The following WDFY4 variants were observed in gnomAD, a reference collection of about 807,000 sequenced individuals.
WDFY4 encodes WD repeat- and FYVE domain-containing protein 4.
In WDFY4, 169 loss-of-function variants were observed where a neutral mutation model predicts 351.9. The ratio of observed to expected loss-of-function variants is 0.48; its 90% CI spans 0.42 to 0.55. The LOEUF (loss-of-function observed/expected upper bound fraction) is 0.55, where lower values mean the gene tolerates loss of function less well. Ranked by LOEUF, WDFY4 falls within the 20% of genes least tolerant of loss-of-function variation. The probability of loss-of-function intolerance (pLI) is 0.00; values close to 1 mark genes in which losing one functional copy is unlikely to be tolerated. For synonymous variants in WDFY4, 1,622 were observed against 1,574.6 expected (o/e 1.03, Z -0.71); for missense variants, 3,803 against 3,935.6 (o/e 0.97, Z 0.90).
At chr10:48,916,631 G>A (rs1467192150) in intron 47 of WDFY4, among the ~76,000 whole-genome samples, 1 of 152,186 alleles carries the variant, frequency 6.6e-6, no homozygotes, top group Non-Finnish European at 1.5e-5. Context: ...AAAAGTCGGG[G>A]GAGAAGAGAT....
chr10:48,694,637 C>T (rs1407122786), intron 1 of WDFY4, among the ~76,000 whole-genome samples: 2 of 152,172 alleles, frequency 1.3e-5, no homozygotes, highest in Non-Finnish European at 2.9e-5. Flanking sequence ...AGACAAGCAC[C>T]ATGTCCATGT....
At chr10:48,820,100 T>G (rs1190137410) in intron 32 of WDFY4, 134 bp from the exon 33 acceptor site, 30 of 984,922 alleles carry the variant, frequency 3.0e-5, no homozygotes, top group Non-Finnish European at 4.5e-5. Flanking sequence ...GCAAGTTGCT[T>G]TCCTGTGCGG....
intron 47 of WDFY4, among the ~76,000 whole-genome samples, chr10:48,915,499 G>T (rs1242754833): frequency 6.6e-6 from 1 of 151,944 alleles, no homozygotes; most frequent in African/African-American, 2.4e-5. Flanking sequence ...TCTGTTCCCT[G>T]CAGGGATGGG....
chr10:48,779,361 A>C (rs967475730), intron 18 of WDFY4, among the ~76,000 whole-genome samples: 1 of 152,214 alleles, frequency 6.6e-6, no homozygotes, highest in Non-Finnish European at 1.5e-5. Context: ...TTTGGAGCCC[A>C]GCGTTGTTCT....
At chr10:48,729,734 T>C (rs2064391123) in intron 8 of WDFY4, 145 bp downstream of exon 8, 1 of 1,092,150 alleles carries the variant, frequency 9.2e-7, no homozygotes, top group Non-Finnish European at 1.3e-6. Flanking sequence ...AGGTTATGAA[T>C]ATCTCCCATG....
Position 48,805,266 on chromosome 10 carries a change from AC to A in WDFY4, c.4494del (p.Arg1499GlyfsTer40). 6.5e-7 allele frequency: 1 copy of A among 1,543,440 alleles called. No homozygotes were observed. On this transcript the variant is annotated frameshift_variant, in exon 26 of 62. Transcript: ENST00000325239. LOFTEE classifies it high-confidence loss of function. ...LEILQSPREG[P>X]RNAEAAHQAQ... ...TCTCTCCTGTACTCACCAGGGAAGGACCCAGGAATGCTGAAGCTGCCCACCA... is the reference window on the plus strand; with the variant it reads ...TCTCTCCTGTACTCACCAGGGAAGGACCAGGAATGCTGAAGCTGCCCACCA...
chr10:48,901,794 C>G lies in WDFY4; in HGVS notation c.7524-7C>G, dbSNP rs1237351755. On this transcript the variant is annotated splice_region_variant and splice_polypyrimidine_tract_variant and intron_variant, in intron 46 of 61. Coordinates refer to ENST00000325239, the MANE Select transcript of WDFY4 (RefSeq NM_001394531.1). ...CTGATGGAATTATCCCTTCCCTTTT[C>G]ATGTAGCTTCTGCTCTTTCCAACCC... is the stretch of plus-strand genomic sequence containing the variant. 12 of 1,551,394 alleles carry G rather than the reference C, an allele frequency of 7.7e-6. No homozygotes were observed. Among genetic ancestry groups the G allele is most frequent in the Non-Finnish European group, 9.6e-6 (11 of 1,146,854 alleles).
intron 10 of WDFY4, 50 bp downstream of exon 10, chr10:48,734,085 T>C (rs1166970532): frequency 6.8e-7 from 1 of 1,469,918 alleles, no homozygotes. Context: ...AAACATGAAC[T>C]CTTTCCTGGT....
intron 47 of WDFY4, among the ~76,000 whole-genome samples, chr10:48,937,184 G>A (rs1840434755): frequency 1.3e-5 from 2 of 152,150 alleles, no homozygotes; most frequent in South Asian, 4.1e-4. Flanking sequence ...GTGAGCCACT[G>A]TGCCAGCCAA....
chr10:48,956,237 G>A (rs1476814059), intron 51 of WDFY4, among the ~76,000 whole-genome samples: 2 of 152,218 alleles, frequency 1.3e-5, no homozygotes, highest in African/African-American at 4.8e-5. Flanking sequence ...CAGGCCTGGG[G>A]CTGTACCAGG....
At chr10:48,734,113 A>G in intron 10 of WDFY4, 78 bp downstream of exon 10, 3 of 1,286,208 alleles carry the variant, frequency 2.3e-6, no homozygotes, top group Middle Eastern at 1.8e-4. Context: ...GGCAGTGTTC[A>G]CAGGTTATAC....
intron 30 of WDFY4, among the ~76,000 whole-genome samples, chr10:48,813,415 T>C (rs1215832427): frequency 3.3e-5 from 5 of 152,238 alleles, no homozygotes; most frequent in Non-Finnish European, 7.3e-5. Context: ...GAACTTGTGA[T>C]AGATGTTTTA....
At chr10:48,862,516 T>C (rs999816852) in intron 39 of WDFY4, among the ~76,000 whole-genome samples, 4 of 152,202 alleles carry the variant, frequency 2.6e-5, no homozygotes, top group African/African-American at 9.6e-5. Context: ...GATGATCTGT[T>C]ACTGTCTCCC....
intron 28 of WDFY4, 105 bp downstream of exon 28, chr10:48,808,063 T>C: frequency 2.1e-6 from 2 of 935,672 alleles, no homozygotes; most frequent in Non-Finnish European, 3.0e-6. Context: ...GTCTGTTTTC[T>C]GCAATGTATT....
At chr10:48,732,411 C>T (rs1307536487) in intron 9 of WDFY4, among the ~76,000 whole-genome samples, 1 of 152,196 alleles carries the variant, frequency 6.6e-6, no homozygotes, top group Non-Finnish European at 1.5e-5. Flanking sequence ...GCTTACTCTG[C>T]CCACCTTCCC....
chr10:48,911,115 A>G (rs1837961464), intron 47 of WDFY4, among the ~76,000 whole-genome samples: 1 of 152,198 alleles, frequency 6.6e-6, no homozygotes, highest in South Asian at 2.1e-4. Flanking sequence ...TGGCTCCCTT[A>G]TGGATATGTC....
chr10:48,787,801 CTCCTCCTCTTCT>C (rs2066454383), intron 20 of WDFY4, among the ~76,000 whole-genome samples: 1 of 79,006 alleles, frequency 1.3e-5, no homozygotes, highest in Non-Finnish European at 2.3e-5. Context: ...CCTCCTCCTC[CTCCTCCTCTTCT>C]TCTTCTTCTT....
At position 48,721,305 on chromosome 10, in the gene WDFY4, G is replaced by T. The variant is rs373664409; in HGVS notation, c.394G>T (p.Asp132Tyr). Residue 132 changes from aspartate (D) to tyrosine (Y), a missense_variant, in exon 4 of 62, where the codon GAC becomes TAC. This residue lies in a region of WDFY4 where 488 missense variants were observed against 456.8 expected (regional missense o/e 1.07). Coordinates refer to ENST00000325239, the MANE Select transcript of WDFY4 (RefSeq NM_001394531.1). ...TGGACAGTTGCTGTGGTGGAAGGGGGACGTGGATCAGGATGGCTACTTGCT... is the reference window on the plus strand; with the variant it reads ...TGGACAGTTGCTGTGGTGGAAGGGGTACGTGGATCAGGATGGCTACTTGCT... ...AAGQLLWWKG[D>Y]VDQDGYLLLK... 17 of 1,551,556 alleles carry T rather than the reference G, an allele frequency of 1.1e-5. No individual in the cohort carries two copies. Among genetic ancestry groups the T allele is most frequent in the Non-Finnish European group, 1.3e-5 (15 of 1,147,000 alleles).
chr10:48,742,938 G>A lies in WDFY4; in HGVS notation c.1879-30G>A, dbSNP rs563223774. The stretch of plus-strand genomic sequence containing the variant: ...TCAGGGTTAATCTACCTCCTGGAGT[G>A]CACTCATTTTGATTTGCTTGGTGTT... On this transcript the variant is annotated intron_variant, in intron 11 of 61. Transcript: ENST00000325239. 1.9e-5 allele frequency: 29 copies of A among 1,521,616 alleles called. No individual in the cohort carries two copies. In the African/African-American group the frequency reaches 3.6e-4, roughly 19 times the overall value. The allele number at this position is 1,521,616 out of a possible 1,614,324, so 94.3% of individuals were successfully genotyped here.
Sources: allele counts gnomAD v4.1 joint callset (sites outside exome capture counted in the v4.1 genomes callset), GRCh38; gene constraint gnomAD v4.1.1; regional missense constraint gnomAD v4.1.1; transcripts MANE v1.5; gene names NCBI Gene and HGNC (gene_info 2026-07-23, HGNC 2026-07-21).